CAST: variants seen among roughly 807,000 people sequenced by gnomAD.
The protein encoded by CAST is calpastatin.
Under a neutral mutation model 119.6 loss-of-function variants are expected in CAST, and 76 were observed. That is an observed-to-expected ratio of 0.64 (90% confidence interval 0.53 to 0.77). CAST has a LOEUF of 0.77. Ranked by LOEUF, CAST falls within the 30% of genes least tolerant of loss-of-function variation. The probability of loss-of-function intolerance (pLI) is 0.00; values close to 1 mark genes in which losing one functional copy is unlikely to be tolerated. For missense variants in CAST, 953 were observed against 946.5 expected (o/e 1.01, Z -0.09); for synonymous variants, 319 against 331.6 (o/e 0.96, Z 0.41).
upstream of CAST, among the ~76,000 whole-genome samples, chr5:96,521,263 TC>T (rs2150175146): frequency 6.6e-6 from 1 of 152,226 alleles, no homozygotes; most frequent in African/African-American, 2.4e-5. Context: ...TTAAAACCCT[TC>T]AAAGAGTCAC....
At chr5:96,415,151 C>A in the CAST span, among the ~76,000 whole-genome samples, 1 of 152,310 alleles carries the variant, frequency 6.6e-6, no homozygotes, top group Non-Finnish European at 1.5e-5. Flanking sequence ...CTCTTGGCCC[C>A]TGCAGATACA....
the CAST span, among the ~76,000 whole-genome samples, chr5:95,968,766 C>T: frequency 6.6e-6 from 1 of 152,094 alleles, no homozygotes; most frequent in Non-Finnish European, 1.5e-5. Flanking sequence ...TCTGTTATGG[C>T]CTCCAATATT....
At chr5:96,727,974 G>T (rs17086598) in intron 6 of CAST, among the ~76,000 whole-genome samples, 4 of 152,018 alleles carry the variant, frequency 2.6e-5, no homozygotes, top group Non-Finnish European at 5.9e-5. Context: ...TGGGTTTATC[G>T]TGACAGTCTT....
chr5:96,458,985 C>T, the CAST span, among the ~76,000 whole-genome samples: 5 of 152,166 alleles, frequency 3.3e-5, no homozygotes, highest in South Asian at 2.1e-4. Flanking sequence ...TTAGTTTTAA[C>T]GTCCTTGAAG....
intron 1 of CAST, among the ~76,000 whole-genome samples, chr5:96,542,547 T>C (rs1345844878): frequency 2.0e-5 from 3 of 150,820 alleles, no homozygotes; most frequent in Non-Finnish European, 4.4e-5. Flanking sequence ...TTGAACATCT[T>C]TTCATATGAT....
chr5:96,399,931 TAAA>T, the CAST span: 6 of 1,570,514 alleles, frequency 3.8e-6, no homozygotes, highest in Middle Eastern at 1.7e-4. Context: ...CACATGTGTT[TAAA>T]ATTCCAGGAG....
At chr5:96,577,406 T>C (rs1474126164) in intron 1 of CAST, among the ~76,000 whole-genome samples, 3 of 152,116 alleles carry the variant, frequency 2.0e-5, no homozygotes, top group African/African-American at 7.2e-5. Context: ...CTTTATTATT[T>C]TCTTCTTTCT....
chr5:96,089,981 T>G, the CAST span, among the ~76,000 whole-genome samples: 1 of 152,322 alleles, frequency 6.6e-6, no homozygotes, highest in South Asian at 2.1e-4. Flanking sequence ...TAATTAGCTG[T>G]GTGACACTCT....
the CAST span, among the ~76,000 whole-genome samples, chr5:96,490,909 A>C: frequency 6.6e-6 from 1 of 152,170 alleles, no homozygotes; most frequent in Non-Finnish European, 1.5e-5. Context: ...TATCTAAAAA[A>C]CAAAACAAAA....
chr5:96,290,235 A>G, the CAST span, among the ~76,000 whole-genome samples: 1 of 152,188 alleles, frequency 6.6e-6, no homozygotes, highest in Admixed American at 6.5e-5. Context: ...GGCTTATAGA[A>G]TATCAAGGCA....
chr5:96,091,206 CT>C, the CAST span, among the ~76,000 whole-genome samples: 491 of 143,164 alleles, frequency 3.4e-3, no homozygotes, highest in African/African-American at 4.2e-3. Context: ...GAATCTCTCT[CT>C]TTTTTTTTTT....
chr5:96,763,185 GATTCTGATGGATTTTC>G lies in CAST; in HGVS notation c.1932+816_1932+831del, dbSNP rs1308390164. The G allele has an allele frequency of 1.4e-5, 11 of 780,718 alleles. No individual in the cohort carries two copies. In the Admixed American group the frequency reaches 1.7e-4, roughly 12 times the overall value. 48.4% of individuals were successfully genotyped at this position (780,718 alleles called of 1,614,324 possible). On this transcript the variant is annotated intron_variant, in intron 25 of 31. Transcript: ENST00000675179. Reference sequence around the variant, plus strand: ...AAGCATATTTAGTGCTGTAGTCTGAGATTCTGATGGATTTTCATCCTGTTGCGTCAGCTTCAGGATC... The same window carrying G: ...AAGCATATTTAGTGCTGTAGTCTGAGATCCTGTTGCGTCAGCTTCAGGATC...
the CAST span, among the ~76,000 whole-genome samples, chr5:96,165,956 C>A: frequency 2.4e-5 from 3 of 123,874 alleles, no homozygotes; most frequent in Middle Eastern, 4.5e-3. Flanking sequence ...AATTATTTTT[C>A]ATTTTCATTA....
chr5:96,335,450 C>G, the CAST span, among the ~76,000 whole-genome samples: 1 of 152,202 alleles, frequency 6.6e-6, no homozygotes, highest in African/African-American at 2.4e-5. Flanking sequence ...CAGCTTGCCT[C>G]ATTTGTTTCT....
At chr5:96,323,666 G>T in the CAST span, among the ~76,000 whole-genome samples, 1 of 152,046 alleles carries the variant, frequency 6.6e-6, no homozygotes, top group Non-Finnish European at 1.5e-5. Context: ...ACCACTTATT[G>T]TTCTGGCCCA....
chr5:96,448,028 A>AG, the CAST span, among the ~76,000 whole-genome samples: 1 of 151,912 alleles, frequency 6.6e-6, no homozygotes, highest in Admixed American at 6.6e-5. Context: ...AAAAAAAAAA[A>AG]GATAAAACCA....
chr5:96,202,191 A>G, the CAST span, among the ~76,000 whole-genome samples: 4 of 152,080 alleles, frequency 2.6e-5, no homozygotes, highest in African/African-American at 9.7e-5. Flanking sequence ...AATTTTAGAA[A>G]AGTTGTATTT....
At chr5:96,658,724 CCAT>C (rs949372100), upstream of CAST, among the ~76,000 whole-genome samples, 2 of 152,194 alleles carry the variant, frequency 1.3e-5, no homozygotes, top group African/African-American at 4.8e-5. Context: ...CTGCCTTATT[CCAT>C]CATCAGAATA....
chr5:96,754,868 GT>G lies in CAST; in HGVS notation c.1710+128del, dbSNP rs745310518. Reference sequence around the variant, plus strand: ...TTCTTCATATTTCAAACACCAAATAGTATTAGTCTACTACTAATAGTGTTAG... The same window carrying G: ...TTCTTCATATTTCAAACACCAAATAGATTAGTCTACTACTAATAGTGTTAG... On this transcript the variant is annotated intron_variant, in intron 22 of 31. Coordinates refer to ENST00000675179, the MANE Select transcript of CAST (RefSeq NM_001750.7). 3.4e-5 allele frequency: 21 copies of G among 622,834 alleles called. 1 individual carries two copies. Among genetic ancestry groups the G allele is most frequent in the Middle Eastern group, 4.4e-4 (1 of 2,254 alleles). The allele number at this position is 622,834 out of a possible 1,614,324, so 38.6% of individuals were successfully genotyped here. A position where few individuals can be genotyped will look rare whatever the true frequency, so the allele number is the denominator to read the frequency against.
Sources: allele counts gnomAD v4.1 joint callset (sites outside exome capture counted in the v4.1 genomes callset), GRCh38; gene constraint gnomAD v4.1.1; transcripts MANE v1.5; gene names NCBI Gene and HGNC (gene_info 2026-07-23, HGNC 2026-07-21).